NPAS3: variants seen among roughly 807,000 people sequenced by gnomAD.
NPAS3 encodes neuronal PAS domain-containing protein 3.
NPAS3 carries 14 observed loss-of-function variants against 73.1 expected under a neutral mutation model. That is an observed-to-expected ratio of 0.19 (90% CI 0.13 to 0.30). The LOEUF is 0.30. Ranked by LOEUF, NPAS3 falls within the 10% of genes least tolerant of loss-of-function variation. The probability of loss-of-function intolerance (pLI) is 1.00; values close to 1 mark genes in which losing one functional copy is unlikely to be tolerated. For synonymous variants in NPAS3, 620 were observed against 541.5 expected, an observed-to-expected ratio of 1.14 and a Z score of -2.01; for missense variants, 1,096 against 1,250.0, an observed-to-expected ratio of 0.88 and a Z score of 1.86.
chr14:33,383,743 G>C (rs1434658767), intron 4 of NPAS3, among the ~76,000 whole-genome samples: 1 of 152,130 alleles, frequency 6.6e-6, no homozygotes, highest in Non-Finnish European at 1.5e-5. Context: ...AAAGAATAGA[G>C]ATTTTCCAGC....
chr14:33,182,675 A>G (rs190620597), intron 2 of NPAS3, among the ~76,000 whole-genome samples: 19 of 152,018 alleles, frequency 1.2e-4, no homozygotes, highest in Admixed American at 2.6e-4. Context: ...TTTCCTTTAT[A>G]CTCAACCTGT....
At chr14:33,265,448 A>T (rs985047957) in intron 3 of NPAS3, among the ~76,000 whole-genome samples, 3 of 152,174 alleles carry the variant, frequency 2.0e-5, no homozygotes, top group African/African-American at 7.2e-5. Context: ...ATTATATGCT[A>T]ATGGCTTTGA....
chr14:33,038,850 A>C (rs1181324548), intron 1 of NPAS3, among the ~76,000 whole-genome samples: 1 of 152,194 alleles, frequency 6.6e-6, no homozygotes, highest in African/African-American at 2.4e-5. Flanking sequence ...CATTGTTGTA[A>C]ATTAATGGCA....
At chr14:33,674,622 A>G (rs764354008) in intron 5 of NPAS3, among the ~76,000 whole-genome samples, 2 of 152,222 alleles carry the variant, frequency 1.3e-5, no homozygotes, top group African/African-American at 2.4e-5. Flanking sequence ...CTCTGTAGCA[A>G]TAACAAATGG....
At chr14:32,979,875 G>T (rs939260986) in intron 1 of NPAS3, among the ~76,000 whole-genome samples, 9 of 152,128 alleles carry the variant, frequency 5.9e-5, no homozygotes, top group African/African-American at 2.2e-4. Context: ...TGCCCATTTT[G>T]TGGGTCTTGA....
intron 4 of NPAS3, among the ~76,000 whole-genome samples, chr14:33,400,645 A>C (rs1594837870): frequency 6.6e-6 from 1 of 152,150 alleles, no homozygotes; most frequent in Non-Finnish European, 1.5e-5. Flanking sequence ...AGGGACATTT[A>C]GTTCAATGAG....
chr14:33,344,152 A>C (rs1225730737), intron 3 of NPAS3, among the ~76,000 whole-genome samples: 2 of 152,206 alleles, frequency 1.3e-5, no homozygotes, highest in Non-Finnish European at 1.5e-5. Flanking sequence ...ACCTGCCCCC[A>C]AAAATGATGA....
At chr14:33,461,816 C>T (rs2050279888) in intron 4 of NPAS3, among the ~76,000 whole-genome samples, 1 of 152,352 alleles carries the variant, frequency 6.6e-6, no homozygotes. Context: ...ATTCAAATCC[C>T]TGCTCTACCA....
chr14:33,414,157 A>T (rs1433052622), intron 4 of NPAS3, among the ~76,000 whole-genome samples: 1 of 152,138 alleles, frequency 6.6e-6, no homozygotes, highest in South Asian at 2.1e-4. Flanking sequence ...AGCTTAAATG[A>T]TTGCAGCTAG....
At chr14:33,253,585 T>G (rs2048667248) in intron 3 of NPAS3, among the ~76,000 whole-genome samples, 1 of 152,048 alleles carries the variant, frequency 6.6e-6, no homozygotes, top group African/African-American at 2.4e-5. Flanking sequence ...TTTTTGGTAC[T>G]TTTCTCTCTT....
chr14:33,026,459 T>C (rs775252829), intron 1 of NPAS3, among the ~76,000 whole-genome samples: 1 of 152,240 alleles, frequency 6.6e-6, no homozygotes, highest in Non-Finnish European at 1.5e-5. Flanking sequence ...CTTCGGTTCA[T>C]GTGAATGGTT....
chr14:33,707,094 A>G (rs1447456313), intron 6 of NPAS3, among the ~76,000 whole-genome samples: 1 of 152,212 alleles, frequency 6.6e-6, no homozygotes, highest in Non-Finnish European at 1.5e-5. Context: ...CACTTGGTAA[A>G]GTCTAGCAGA....
At chr14:33,025,575 C>G (rs1011736733) in intron 1 of NPAS3, among the ~76,000 whole-genome samples, 1 of 152,080 alleles carries the variant, frequency 6.6e-6, no homozygotes, top group South Asian at 2.1e-4. Flanking sequence ...GTGTCCCCAC[C>G]CAAATCTCAT....
At chr14:33,403,021 G>A (rs974746200) in intron 4 of NPAS3, among the ~76,000 whole-genome samples, 3 of 152,056 alleles carry the variant, frequency 2.0e-5, no homozygotes, top group African/African-American at 7.2e-5. Context: ...ATGCTGACTT[G>A]GCATTGGTAG....
intron 4 of NPAS3, among the ~76,000 whole-genome samples, chr14:33,543,331 G>A (rs1416929079): frequency 6.6e-6 from 1 of 152,170 alleles, no homozygotes; most frequent in African/African-American, 2.4e-5. Context: ...TGTTTAAGTA[G>A]AAACTTAGCA....
chr14:33,411,794 C>A (rs1203020730), intron 4 of NPAS3, among the ~76,000 whole-genome samples: 1 of 150,476 alleles, frequency 6.6e-6, no homozygotes, highest in Non-Finnish European at 1.5e-5. Context: ...TGCTTAGTTT[C>A]AATCTGCTAA....
intron 1 of NPAS3, among the ~76,000 whole-genome samples, chr14:32,939,636 AAAAAG>A (rs1348260734): frequency 6.7e-6 from 1 of 149,284 alleles, no homozygotes; most frequent in African/African-American, 2.4e-5. Context: ...AAAAAAAAAA[AAAAAG>A]AAGAAAGAAA....
At chr14:33,653,381 CA>C (rs1000332166) in intron 5 of NPAS3, among the ~76,000 whole-genome samples, 5 of 152,200 alleles carry the variant, frequency 3.3e-5, no homozygotes, top group African/African-American at 1.2e-4. Context: ...ACAAATAGAG[CA>C]AGCTTTGCCG....
chr14:33,487,533 A>G (rs79884303), intron 4 of NPAS3, among the ~76,000 whole-genome samples: 5,227 of 152,308 alleles, frequency 0.034, 121 homozygotes, highest in Admixed American at 0.064. Flanking sequence ...TATCTTTGCT[A>G]GAGCAAATTA....
Sources: allele counts gnomAD v4.1 joint callset (sites outside exome capture counted in the v4.1 genomes callset), GRCh38; gene constraint gnomAD v4.1.1; transcripts MANE v1.5; gene names NCBI Gene and HGNC (gene_info 2026-07-23, HGNC 2026-07-21).